TMEM120B: variants seen among roughly 807,000 people sequenced by gnomAD.
The protein encoded by TMEM120B is transmembrane protein 120B.
A neutral mutation model predicts 55.5 loss-of-function variants in TMEM120B; 31 were observed. That is an observed-to-expected ratio of 0.56 (90% CI 0.42 to 0.75). The LOEUF is 0.75. TMEM120B is among the 30% of genes least tolerant of loss of function. The probability of loss-of-function intolerance (pLI) is 0.00; values close to 1 mark genes in which losing one functional copy is unlikely to be tolerated. For missense variants in TMEM120B, 399 were observed against 425.5 expected, an observed-to-expected ratio of 0.94 and a Z score of 0.55; for synonymous variants, 203 against 176.3, an observed-to-expected ratio of 1.15 and a Z score of -1.20.
At chr12:121,757,812 A>C (rs376252703) in intron 5 of TMEM120B, among the ~76,000 whole-genome samples, 1 of 152,226 alleles carries the variant, frequency 6.6e-6, no homozygotes, top group African/African-American at 2.4e-5. Flanking sequence ...CACCACGCCC[A>C]GCCGATTTTT....
chr12:121,756,355 G>A (rs545924491), intron 5 of TMEM120B, among the ~76,000 whole-genome samples: 3 of 152,194 alleles, frequency 2.0e-5, no homozygotes, highest in South Asian at 2.1e-4. Flanking sequence ...AAAATTAGTC[G>A]GGCCTGATGG....
intron 6 of TMEM120B, among the ~76,000 whole-genome samples, chr12:121,770,071 C>T (rs981244400): frequency 6.6e-6 from 1 of 152,134 alleles, no homozygotes; most frequent in Non-Finnish European, 1.5e-5. Context: ...AGCAGCAAGT[C>T]CAAAGGCCCT....
At chr12:121,720,642 GTGAAGGC>G (rs1394262809) in intron 1 of TMEM120B, among the ~76,000 whole-genome samples, 1 of 152,076 alleles carries the variant, frequency 6.6e-6, no homozygotes, top group East Asian at 1.9e-4. Flanking sequence ...GCCCAGGGAG[GTGAAGGC>G]TGTGGTGAGC....
At chr12:121,761,192 T>A (rs1873665493) in intron 5 of TMEM120B, among the ~76,000 whole-genome samples, 1 of 152,134 alleles carries the variant, frequency 6.6e-6, no homozygotes, top group African/African-American at 2.4e-5. Context: ...TTGGCCAAAC[T>A]GGTCTCGAAC....
intron 5 of TMEM120B, among the ~76,000 whole-genome samples, chr12:121,761,335 A>G (rs1327315532): frequency 1.3e-5 from 2 of 152,042 alleles, no homozygotes; most frequent in African/African-American, 2.4e-5. Context: ...TTCACATCAC[A>G]TGGGAAGAGT....
intron 5 of TMEM120B, among the ~76,000 whole-genome samples, chr12:121,757,145 G>T (rs12827492): frequency 2.9e-5 from 3 of 102,384 alleles, no homozygotes; most frequent in East Asian, 3.1e-4. Context: ...GGCGGTGGGG[G>T]GGGGGGGTGT....
At chr12:121,744,424 G>C (rs1873023055) in intron 2 of TMEM120B, among the ~76,000 whole-genome samples, 1 of 152,228 alleles carries the variant, frequency 6.6e-6, no homozygotes, top group Admixed American at 6.6e-5. Flanking sequence ...TTTCCCGGGT[G>C]AAAGTTGGGT....
At chr12:121,718,942 C>A (rs1212224841) in intron 1 of TMEM120B, among the ~76,000 whole-genome samples, 1 of 152,130 alleles carries the variant, frequency 6.6e-6, no homozygotes, top group Non-Finnish European at 1.5e-5. Flanking sequence ...GCAGTCCCTC[C>A]CATGTTGTGG....
chr12:121,717,546 C>T (rs1275592021), intron 1 of TMEM120B, among the ~76,000 whole-genome samples: 1 of 152,188 alleles, frequency 6.6e-6, no homozygotes, highest in Non-Finnish European at 1.5e-5. Flanking sequence ...GGATTCGAAC[C>T]CAGGCTGTTG....
chr12:121,765,126 TTTC>T (rs1390631890), intron 6 of TMEM120B, among the ~76,000 whole-genome samples: 1 of 148,550 alleles, frequency 6.7e-6, no homozygotes, highest in African/African-American at 2.5e-5. Context: ...CTTTCTTTTC[TTTC>T]TTTTTTTTTT....
intron 1 of TMEM120B, among the ~76,000 whole-genome samples, chr12:121,726,050 A>G: frequency 7.6e-6 from 1 of 131,478 alleles, no homozygotes; most frequent in South Asian, 2.4e-4. Flanking sequence ...AAAAAAAAAC[A>G]AAAAAAAAAC....
chr12:121,781,094 C>A lies in TMEM120B; in HGVS notation c.*5372C>A. 1 of 1,614,198 alleles carries A rather than the reference C, an allele frequency of 6.2e-7. No individual in the cohort carries two copies. Reference sequence around the variant, plus strand: ...GAGGCCGGCCTCACCTTGATGAGGACGTTGTCGTAGCTGGTGGGATTCATG... The same window carrying A: ...GAGGCCGGCCTCACCTTGATGAGGAAGTTGTCGTAGCTGGTGGGATTCATG... On this transcript the variant is annotated 3_prime_UTR_variant, in exon 12 of 12. Transcript: ENST00000449592.
intron 1 of TMEM120B, among the ~76,000 whole-genome samples, chr12:121,742,685 A>G (rs539988425): frequency 7.0e-6 from 1 of 142,636 alleles, no homozygotes; most frequent in East Asian, 2.0e-4. Flanking sequence ...CCCTGGGTTC[A>G]AGTGATTCTC....
At position 121,754,425 on chromosome 12, in the gene TMEM120B, G is replaced by GTACC. The variant is rs530357200; in HGVS notation, c.461+2203_461+2206dup. Among the ~76,000 whole-genome samples the GTACC allele has an allele frequency of 3.7e-4, 57 of 152,292 alleles. No homozygotes were observed. The East Asian group carries it at 0.011, about 28-fold the overall frequency. On this transcript the variant is annotated intron_variant, in intron 5 of 11. Coordinates refer to ENST00000449592, the MANE Select transcript of TMEM120B (RefSeq NM_001080825.2). ...CATCTCCTAGGGCCACTGTAACTAA[G>GTACC]TACCATAGACTGGGGGCTTAAAACG...
At chr12:121,735,610 G>A (rs1329191639) in intron 1 of TMEM120B, among the ~76,000 whole-genome samples, 1 of 151,788 alleles carries the variant, frequency 6.6e-6, no homozygotes, top group East Asian at 1.9e-4. Flanking sequence ...TGTTGGCCAG[G>A]ATGGCCTCGA....
chr12:121,757,520 A>ATT lies in TMEM120B; in HGVS notation c.462-4127_462-4126dup, dbSNP rs560745429. Among the ~76,000 whole-genome samples the ATT allele has an allele frequency of 2.1e-4, 21 of 98,498 alleles. 1 individual carries two copies. The highest frequency in any genetic ancestry group is 8.2e-4 in the East Asian group (3 of 3,670). The allele number at this position is 98,498 out of a possible 152,430, so 64.6% of individuals were successfully genotyped here. A position where few individuals can be genotyped will look rare whatever the true frequency, so the allele number is the denominator to read the frequency against. On this transcript the variant is annotated intron_variant, in intron 5 of 11. Transcript: ENST00000449592. ...CTGCGCCCGGCTAATTATTATTATTATTTATTTTTTTTTTGAGACAGAGTC... is the reference window on the plus strand; with the variant it reads ...CTGCGCCCGGCTAATTATTATTATTATTTTTATTTTTTTTTTGAGACAGAGTC...
At position 121,777,322 on chromosome 12, in the gene TMEM120B, C is replaced by T. The variant is rs1050759868; in HGVS notation, c.*1600C>T. 3 of 151,736 alleles carry T rather than the reference C, an allele frequency of 2.0e-5. No homozygotes were observed. The highest frequency in any genetic ancestry group is 6.6e-5 in the Admixed American group (1 of 15,202). 9.4% of individuals were successfully genotyped at this position (151,736 alleles called of 1,614,324 possible). ...TAGAGATGGGGTCTCACTATGTTGC[C>T]CAGGCTGGTCTCCAACTCATGGGCT... is the stretch of plus-strand genomic sequence containing the variant. On this transcript the variant is annotated 3_prime_UTR_variant, in exon 12 of 12. Transcript: ENST00000449592.
intron 3 of TMEM120B, 122 bp downstream of exon 3, chr12:121,748,564 G>C (rs1873176867): frequency 3.0e-6 from 2 of 667,896 alleles, no homozygotes; most frequent in African/African-American, 3.7e-5. Flanking sequence ...GGAAACAAGG[G>C]CAGGAGAGAT....
chr12:121,767,612 G>T (rs1873891695), intron 6 of TMEM120B, among the ~76,000 whole-genome samples: 1 of 152,236 alleles, frequency 6.6e-6, no homozygotes. Context: ...ACTCAGTTGT[G>T]CACTTTCAGT....
Sources: allele counts gnomAD v4.1 joint callset (sites outside exome capture counted in the v4.1 genomes callset), GRCh38; gene constraint gnomAD v4.1.1; transcripts MANE v1.5; gene names NCBI Gene and HGNC (gene_info 2026-07-23, HGNC 2026-07-21).